Variants in MAML3 observed in about 807,000 individuals in gnomAD.
The protein encoded by MAML3 is mastermind like transcriptional coactivator 3.
Under a neutral mutation model 101.9 loss-of-function variants are expected in MAML3, and 27 were observed. That is an observed-to-expected ratio of 0.27 (90% CI 0.20 to 0.37). The LOEUF (loss-of-function observed/expected upper bound fraction) is 0.37. Among genes scored for constraint, MAML3 ranks in the 10% least tolerant of loss-of-function variants. The pLI, the probability that MAML3 is intolerant of heterozygous loss-of-function variation, is 1.00. For missense variants in MAML3, 1,316 were observed against 1,444.9 expected (o/e 0.91, Z 1.45); for synonymous variants, 501 against 555.9 (o/e 0.90, Z 1.39).
intron 2 of MAML3, among the ~76,000 whole-genome samples, chr4:139,836,362 G>A (rs1731255619): frequency 6.6e-6 from 1 of 152,172 alleles, no homozygotes. Context: ...GGGCAATTGG[G>A]AGAAAAGCAT....
intron 1 of MAML3, among the ~76,000 whole-genome samples, chr4:140,064,345 T>C (rs1560881768): frequency 6.6e-6 from 1 of 152,242 alleles, no homozygotes; most frequent in Non-Finnish European, 1.5e-5. Context: ...CATTCTGATA[T>C]AACACTCATG....
rs1311637731 is a variant in MAML3 at position 139,889,578 on chromosome 4, C to T, written c.1858G>A (p.Val620Met). 4.3e-6 allele frequency: 7 copies of T among 1,613,418 alleles called. No homozygotes were observed. Among genetic ancestry groups the T allele is most frequent in the Non-Finnish European group, 5.9e-6 (7 of 1,179,834 alleles). The change falls in exon 2 of 5, where the codon GTG becomes ATG. Residue 620 changes from valine (V) to methionine (M), a missense_variant. By Grantham distance (21) the Val-to-Met change is conservative. Transcript: ENST00000509479. ...AAGGGGTTTTTGTTGGGGTTGGCCA[C>T]TGGTGGTGTCATCCTCTGACTCAGG... ...ADLSQRMTPP[V>M]ANPNKNPLMP...
intron 1 of MAML3, among the ~76,000 whole-genome samples, chr4:140,093,346 GT>G (rs1318951274): frequency 6.6e-6 from 1 of 151,434 alleles, no homozygotes; most frequent in African/African-American, 2.4e-5. Context: ...AGATTTTTCA[GT>G]TCTGCAAAGA....
At chr4:139,748,053 TAAAAAAAAAAA>T in intron 2 of MAML3, among the ~76,000 whole-genome samples, 1 of 95,534 alleles carries the variant, frequency 1.0e-5, no homozygotes, top group Admixed American at 1.1e-4. Context: ...AGACTTCGTC[TAAAAAAAAAAA>T]AAAAAAAAAA....
chr4:139,862,602 G>C (rs1476831771), intron 2 of MAML3, among the ~76,000 whole-genome samples: 1 of 152,028 alleles, frequency 6.6e-6, no homozygotes. Flanking sequence ...GGTCTCCCCA[G>C]ACATGTGCTG....
chr4:139,815,982 A>G (rs988392855), intron 2 of MAML3, among the ~76,000 whole-genome samples: 2 of 152,224 alleles, frequency 1.3e-5, no homozygotes, highest in Non-Finnish European at 2.9e-5. Context: ...AATGGTAGAA[A>G]TATCACATCT....
chr4:139,942,740 A>T (rs1733632050), intron 1 of MAML3, among the ~76,000 whole-genome samples: 1 of 152,012 alleles, frequency 6.6e-6, no homozygotes, highest in Non-Finnish European at 1.5e-5. Context: ...TCTTATGTGT[A>T]AACTATATAG....
At chr4:139,720,630 G>A (rs11723251) in intron 4 of MAML3, among the ~76,000 whole-genome samples, 19,658 of 152,202 alleles carry the variant, frequency 0.13, 1,392 homozygotes, top group Middle Eastern at 0.17. Flanking sequence ...GGATCGTACT[G>A]TGCATGTGTT....
At chr4:139,724,440 C>G (rs1015148604) in intron 4 of MAML3, among the ~76,000 whole-genome samples, 1 of 152,164 alleles carries the variant, frequency 6.6e-6, no homozygotes, top group African/African-American at 2.4e-5. Flanking sequence ...GTGTTGCAAT[C>G]TGAGAAGTTA....
intron 2 of MAML3, among the ~76,000 whole-genome samples, chr4:139,829,950 A>G (rs1193137790): frequency 6.6e-6 from 1 of 152,240 alleles, no homozygotes; most frequent in Non-Finnish European, 1.5e-5. Flanking sequence ...TGTTAACGTA[A>G]CGAATAATGG....
At chr4:140,041,298 T>C (rs928062971) in intron 1 of MAML3, among the ~76,000 whole-genome samples, 7 of 151,588 alleles carry the variant, frequency 4.6e-5, no homozygotes, top group Non-Finnish European at 5.9e-5. Flanking sequence ...AGGCCAGAGA[T>C]AGGAAGGAAA....
rs1384744374 is a variant in MAML3 at position 140,153,939 on chromosome 4, A to G, written c.-612T>C. On this transcript the variant is annotated 5_prime_UTR_variant, in exon 1 of 5. Transcript: ENST00000509479. ...TCAGTTGCATTTCACAGGAACCTAG[A>G]TATCGAATCCTCGGGCTGGGGGAAG... 6.5e-6 allele frequency: 1 copy of G among 153,242 alleles called. No homozygotes were observed. The highest frequency in any genetic ancestry group is 6.5e-5 in the Admixed American group (1 of 15,290). 9.5% of individuals were successfully genotyped at this position (153,242 alleles called of 1,614,324 possible).
chr4:139,923,192 G>C (rs1733158133), intron 1 of MAML3, among the ~76,000 whole-genome samples: 2 of 152,098 alleles, frequency 1.3e-5, no homozygotes, highest in South Asian at 4.1e-4. Context: ...ACCAGCTTTA[G>C]AAAAACTCCA....
intron 2 of MAML3, among the ~76,000 whole-genome samples, chr4:139,888,423 A>C (rs1175827099): frequency 6.6e-6 from 1 of 152,202 alleles, no homozygotes; most frequent in Admixed American, 6.5e-5. Context: ...CAGTAAGATG[A>C]TCTCTCTTGA....
At chr4:139,830,189 C>T (rs1444525071) in intron 2 of MAML3, among the ~76,000 whole-genome samples, 1 of 152,172 alleles carries the variant, frequency 6.6e-6, no homozygotes, top group Non-Finnish European at 1.5e-5. Flanking sequence ...ACTCCACGGC[C>T]ATCTCATCAA....
intron 2 of MAML3, chr4:139,889,152 G>A (rs757196701): frequency 4.8e-5 from 46 of 961,914 alleles, no homozygotes; most frequent in South Asian, 2.3e-4. Context: ...TGAAATACAC[G>A]AAAGTTTATC....
chr4:140,111,050 C>T (rs1407547320), intron 1 of MAML3, among the ~76,000 whole-genome samples: 1 of 152,098 alleles, frequency 6.6e-6, no homozygotes, highest in African/African-American at 2.4e-5. Context: ...TCCTAAAAAC[C>T]ACAGCCATAA....
At chr4:139,758,355 G>A (rs1042094459) in intron 2 of MAML3, among the ~76,000 whole-genome samples, 7 of 152,148 alleles carry the variant, frequency 4.6e-5, no homozygotes, top group Non-Finnish European at 1.0e-4. Context: ...AGAAAACCAA[G>A]GAGTCACGGT....
At chr4:139,934,301 G>A (rs1389152082) in intron 1 of MAML3, among the ~76,000 whole-genome samples, 1 of 152,034 alleles carries the variant, frequency 6.6e-6, no homozygotes, top group Non-Finnish European at 1.5e-5. Context: ...GTGCGACTAT[G>A]GGTGTGTGTG....
Sources: gnomAD v4.1 joint callset for allele counts (sites outside exome capture counted in the v4.1 genomes callset) on GRCh38, gnomAD v4.1.1 for gene constraint, MANE v1.5 for transcripts, NCBI Gene and HGNC (gene_info 2026-07-23, HGNC 2026-07-21) for gene names.